The following LRCH3 variants were observed in gnomAD, a reference collection of about 807,000 sequenced individuals.
LRCH3 encodes DISP complex protein LRCH3.
In LRCH3, 68 loss-of-function variants were observed where a neutral mutation model predicts 104.5. The observed-to-expected ratio is 0.65, with a 90% CI of 0.54 to 0.80. The LOEUF (loss-of-function observed/expected upper bound fraction) is 0.80. LRCH3 is among the 30% of genes least tolerant of loss of function. The pLI is 0.00. For missense variants in LRCH3, 951 were observed against 953.9 expected, an observed-to-expected ratio of 1.00 and a Z score of 0.04; for synonymous variants, 344 against 361.3, an observed-to-expected ratio of 0.95 and a Z score of 0.54.
intron 9 of LRCH3, among the ~76,000 whole-genome samples, chr3:197,837,099 A>G (rs1736923157): frequency 6.6e-6 from 1 of 152,194 alleles, no homozygotes; most frequent in Non-Finnish European, 1.5e-5. Flanking sequence ...AAAATTAGAT[A>G]AGTCAAAGTC....
intron 19 of LRCH3, among the ~76,000 whole-genome samples, chr3:197,873,044 T>C (rs574629938): frequency 1.3e-3 from 203 of 152,212 alleles, no homozygotes; most frequent in African/African-American, 4.4e-3. Context: ...AGAAAATGCA[T>C]TCAGGATAAC....
chr3:197,792,981 G>GT (rs1360028265), intron 1 of LRCH3, among the ~76,000 whole-genome samples: 1 of 151,846 alleles, frequency 6.6e-6, no homozygotes, highest in Non-Finnish European at 1.5e-5. Context: ...TAGAGACGGG[G>GT]TTTTGCTATG....
In LRCH3 at chr3:197,851,570, C is replaced by T. The variant is rs1739600580; in HGVS notation, c.1531-991C>T. Among the ~76,000 whole-genome samples the T allele has an allele frequency of 1.3e-5, 2 of 152,188 alleles. 1 individual carries two copies. The highest frequency in any genetic ancestry group is 4.1e-4 in the South Asian group (2 of 4,838). ...ATCTCTGCATTTGAATCCAGCTTTG[C>T]CACTTGCCGTGCGCTTGACTTTCAG... On this transcript the variant is annotated intron_variant, in intron 12 of 20. Transcript: ENST00000425562.
intron 10 of LRCH3, among the ~76,000 whole-genome samples, chr3:197,841,114 G>A (rs908418081): frequency 3.3e-5 from 5 of 152,230 alleles, no homozygotes. Flanking sequence ...ACTTCTGGAG[G>A]ATAGAGCCTG....
intron 8 of LRCH3, among the ~76,000 whole-genome samples, chr3:197,835,013 GCA>G (rs1560558852): frequency 6.6e-6 from 1 of 151,968 alleles, no homozygotes; most frequent in Non-Finnish European, 1.5e-5. Context: ...GCGTGGTGGT[GCA>G]CACCTGTAAT....
chr3:197,835,775 A>T lies in LRCH3; in HGVS notation c.1204A>T (p.Ser402Cys). 4 of 1,614,154 alleles carry T rather than the reference A, an allele frequency of 2.5e-6. No individual in the cohort carries two copies. Among genetic ancestry groups the T allele is most frequent in the Non-Finnish European group, 3.4e-6 (4 of 1,180,026 alleles). Residue 402 changes from serine (S) to cysteine (C), a missense_variant, in exon 9 of 21, where the codon AGT (serine) becomes TGT (cysteine). Coordinates refer to ENST00000425562, the MANE Select transcript of LRCH3 (RefSeq NM_001365715.1). ...QPKGPDPDSL[S>C]SQFMAYIEQR... is the part of the protein sequence containing the mutation. Reference sequence around the variant, plus strand: ...CAAGGGACCAGACCCAGACAGCCTTAGTTCACAGTTTATGGCGTATATTGA... The same window carrying T: ...CAAGGGACCAGACCCAGACAGCCTTTGTTCACAGTTTATGGCGTATATTGA...
intron 1 of LRCH3, among the ~76,000 whole-genome samples, chr3:197,796,609 C>CTAAG (rs1455828508): frequency 6.6e-6 from 1 of 152,134 alleles, no homozygotes; most frequent in African/African-American, 2.4e-5. Flanking sequence ...AGGTATTGTG[C>CTAAG]TAAGCTGTGT....
intron 12 of LRCH3, chr3:197,850,542 G>A: frequency 1.3e-6 from 2 of 1,589,394 alleles, no homozygotes; most frequent in Non-Finnish European, 8.5e-7. Context: ...GCTCATGTAT[G>A]GGTTAATCCG....
chr3:197,844,826 G>A (rs150897168), intron 10 of LRCH3, among the ~76,000 whole-genome samples: 3,027 of 151,900 alleles, frequency 0.02, 48 homozygotes, highest in Middle Eastern at 0.062. Flanking sequence ...TCACCATGTT[G>A]ACCAGGATGG....
At chr3:197,819,391 C>T (rs1053878719) in intron 3 of LRCH3, among the ~76,000 whole-genome samples, 1 of 151,458 alleles carries the variant, frequency 6.6e-6, no homozygotes, top group African/African-American at 2.4e-5. Flanking sequence ...TCTTTTAGAA[C>T]CATTTTAATG....
intron 1 of LRCH3, among the ~76,000 whole-genome samples, chr3:197,794,783 TC>T: frequency 6.6e-6 from 1 of 152,314 alleles, no homozygotes; most frequent in East Asian, 1.9e-4. Flanking sequence ...GGCGGGCAGA[TC>T]ACCTGAGATC....
At position 197,815,057 on chromosome 3, in the gene LRCH3, G is replaced by A; in HGVS notation, c.407+5G>A. ...TCTAACATTCTTAAATATTAGGTAA[G>A]AATATTGTTTTCTTATTTTAAATTT... On this transcript the variant is annotated splice_donor_5th_base_variant and intron_variant, in intron 2 of 20. Transcript: ENST00000425562. 1 of 1,438,436 alleles carries A rather than the reference G, an allele frequency of 7.0e-7. No homozygotes were observed. The highest frequency in any genetic ancestry group is 9.4e-7 in the Non-Finnish European group (1 of 1,064,066). The allele number at this position is 1,438,436 out of a possible 1,614,324, so 89.1% of individuals were successfully genotyped here.
intron 19 of LRCH3, among the ~76,000 whole-genome samples, chr3:197,875,212 G>A (rs752773411): frequency 2.0e-5 from 3 of 152,074 alleles, no homozygotes; most frequent in Non-Finnish European, 4.4e-5. Flanking sequence ...ATTATGGCGT[G>A]AGCCACCGCA....
At chr3:197,807,696 C>T (rs951773759) in intron 1 of LRCH3, among the ~76,000 whole-genome samples, 21 of 151,938 alleles carry the variant, frequency 1.4e-4, no homozygotes, top group Non-Finnish European at 2.5e-4. Context: ...CTGTGGGGTT[C>T]GTGAACATTT....
intron 20 of LRCH3, chr3:197,882,054 A>G (rs1406013937): frequency 1.0e-6 from 1 of 985,298 alleles, no homozygotes; most frequent in African/African-American, 1.7e-5. Flanking sequence ...TCAGAGTTGA[A>G]ACACCTGTTA....
intron 10 of LRCH3, 47 bp downstream of exon 10, chr3:197,839,444 G>C (rs1467445830): frequency 1.6e-6 from 2 of 1,249,230 alleles, no homozygotes; most frequent in South Asian, 1.4e-5. Flanking sequence ...TTAATCATGA[G>C]AGCATAAAGT....
At chr3:197,794,823 G>A (rs1731008959) in intron 1 of LRCH3, among the ~76,000 whole-genome samples, 1 of 152,038 alleles carries the variant, frequency 6.6e-6, no homozygotes, top group Admixed American at 6.6e-5. Context: ...TGGCTAACAT[G>A]GTGAAACCCG....
At chr3:197,849,896 A>G (rs553915264) in intron 12 of LRCH3, among the ~76,000 whole-genome samples, 1 of 152,352 alleles carries the variant, frequency 6.6e-6, no homozygotes, top group African/African-American at 2.4e-5. Context: ...TATCAGGGAA[A>G]TAAACACAAA....
chr3:197,795,817 T>G (rs1406868959), intron 1 of LRCH3, among the ~76,000 whole-genome samples: 1 of 148,362 alleles, frequency 6.7e-6, no homozygotes, highest in Non-Finnish European at 1.5e-5. Flanking sequence ...CTCAGCCTCC[T>G]GAGTAGCTGG....
Sources: gnomAD v4.1 joint callset for allele counts (sites outside exome capture counted in the v4.1 genomes callset) on GRCh38, gnomAD v4.1.1 for gene constraint, MANE v1.5 for transcripts, NCBI Gene and HGNC (gene_info 2026-07-23, HGNC 2026-07-21) for gene names.